The following RADIL variants were observed in gnomAD, a reference collection of about 807,000 sequenced individuals.
RADIL encodes the protein ras-associating and dilute domain-containing protein.
In RADIL, 99 loss-of-function variants were observed where a neutral mutation model predicts 97.6. The ratio of observed to expected loss-of-function variants is 1.01; its 90% CI spans 0.86 to 1.20. RADIL has a LOEUF of 1.20. RADIL is among the 50% of genes most tolerant of loss of function. The pLI is 0.00. For synonymous variants in RADIL, 803 were observed against 691.8 expected (o/e 1.16, Z -2.52); for missense variants, 1,765 against 1,498.9 (o/e 1.18, Z -2.93).
At position 4,801,686 on chromosome 7, in the gene RADIL, C is replaced by A. The variant is rs769841031; in HGVS notation, c.2809G>T (p.Gly937Ter). The change falls in exon 12 of 15, where the codon GGA becomes TGA. Residue 937 changes from glycine to a stop codon, truncating the protein, a stop_gained. Coordinates refer to ENST00000399583, the MANE Select transcript of RADIL (RefSeq NM_018059.5). LOFTEE classifies it high-confidence loss of function. ...GCTGCACCCCGGAGGCCGCTGAGTC[C>A]GTTCCTCTGCCTCTCTGGGAGCGCT... ...GKALPERQRN[G>*]LSGLRGAAPE... 3 of 1,607,422 alleles carry A rather than the reference C, an allele frequency of 1.9e-6. No individual in the cohort carries two copies. Among genetic ancestry groups the A allele is most frequent in the South Asian group, 1.1e-5 (1 of 90,190 alleles).
chr7:4,845,397 G>C (rs867773894), intron 2 of RADIL, among the ~76,000 whole-genome samples: 4 of 152,338 alleles, frequency 2.6e-5, no homozygotes, highest in Admixed American at 6.5e-5. Context: ...CAGCCTGGGT[G>C]ACAGAGCAAG....
chr7:4,849,757 A>G lies in RADIL; in HGVS notation c.536-13152T>C, dbSNP rs1294273198. Reference sequence around the variant, plus strand: ...TCATTTGAAAAGACTTAGAATCTTAATTCATTTCACTCCTGCATACCTTTC... The same window carrying G: ...TCATTTGAAAAGACTTAGAATCTTAGTTCATTTCACTCCTGCATACCTTTC... On this transcript the variant is annotated intron_variant, in intron 2 of 14. Coordinates refer to ENST00000399583, the MANE Select transcript of RADIL (RefSeq NM_018059.5). This position sits in a 1 kb window ranked among gnomAD's most constrained non-coding sequence, Gnocchi z 5.4. Among the ~76,000 whole-genome samples the G allele has an allele frequency of 1.3e-5, 2 of 152,158 alleles. No homozygotes were observed. The highest frequency in any genetic ancestry group is 2.9e-5 in the Non-Finnish European group (2 of 68,022).
In RADIL at chr7:4,799,689, C is replaced by T. The variant is rs753075084; in HGVS notation, c.3063G>A (p.Ser1021=). The T allele has an allele frequency of 2.3e-5, 36 of 1,584,700 alleles. No homozygotes were observed. In the East Asian group the frequency reaches 5.3e-4, roughly 23 times the overall value. ...GSPAAADGRL[S]LGDRILEVNG... ...TCACCTCCAGGATACGGTCCCCCAG[C>T]GACAGGCGCCCGTCGGCCGCTGCGG... Residue 1021 remains serine, a synonymous_variant, in exon 14 of 15, where the codon TCG becomes TCA. Coordinates refer to ENST00000399583, the MANE Select transcript of RADIL (RefSeq NM_018059.5).
intron 10 of RADIL, among the ~76,000 whole-genome samples, chr7:4,804,519 G>A (rs1782228812): frequency 6.6e-6 from 1 of 152,238 alleles, no homozygotes; most frequent in Non-Finnish European, 1.5e-5. Context: ...GGGGGTGGCG[G>A]CTCACGCCTG....
chr7:4,847,210 G>C (rs1299357406), intron 2 of RADIL, among the ~76,000 whole-genome samples: 1 of 152,068 alleles, frequency 6.6e-6, no homozygotes, highest in Non-Finnish European at 1.5e-5. Context: ...AATCCCAGCT[G>C]CTCATGAGGC....
chr7:4,799,109 A>T lies in RADIL; in HGVS notation c.*269T>A. ...AGACCCCAGCAGGGCACCCTCTAAG[A>T]ACGGGAAAAATAGTTTATTGAACCG... On this transcript the variant is annotated 3_prime_UTR_variant, in exon 15 of 15. Transcript: ENST00000399583. 1 of 449,856 alleles carries T rather than the reference A, an allele frequency of 2.2e-6. No individual in the cohort carries two copies. Among genetic ancestry groups the T allele is most frequent in the Non-Finnish European group, 4.1e-6 (1 of 244,976 alleles). 27.9% of individuals were successfully genotyped at this position (449,856 alleles called of 1,614,324 possible).
At chr7:4,858,274 A>C (rs1048754769) in intron 2 of RADIL, 2 of 152,168 alleles carry the variant, frequency 1.3e-5, no homozygotes, top group African/African-American at 2.4e-5. Flanking sequence ...GAGTTAGAGG[A>C]GGGACGGGAG....
chr7:4,806,161 GT>G (rs1328060536), intron 9 of RADIL: 1 of 757,550 alleles, frequency 1.3e-6, no homozygotes, highest in Non-Finnish European at 1.6e-6. Flanking sequence ...TTGTTTGCTT[GT>G]TTTTTGAGAC....
chr7:4,812,358 G>A (rs998465272), intron 9 of RADIL, among the ~76,000 whole-genome samples: 3 of 152,160 alleles, frequency 2.0e-5, no homozygotes, highest in African/African-American at 4.8e-5. Flanking sequence ...TGGAATCTGA[G>A]TGATGGCCTC....
chr7:4,836,233 GA>G (rs1783294933), intron 3 of RADIL, 124 bp downstream of exon 3: 2 of 1,408,926 alleles, frequency 1.4e-6, no homozygotes, highest in Admixed American at 4.6e-5. Context: ...GGCACAGCCA[GA>G]GGGGCTGCAG....
At chr7:4,862,025 G>T (rs1381421153) in intron 2 of RADIL, 2 of 419,790 alleles carry the variant, frequency 4.8e-6, no homozygotes, top group Non-Finnish European at 8.5e-6. Flanking sequence ...CTGCGTTCCA[G>T]AACCTACCGT....
intron 1 of RADIL, among the ~76,000 whole-genome samples, chr7:4,882,518 C>A (rs1784507367): frequency 6.6e-6 from 1 of 152,110 alleles, no homozygotes; most frequent in Admixed American, 6.6e-5. Context: ...GTCCCAGCGG[C>A]GAGTACAGGG....
intron 2 of RADIL, among the ~76,000 whole-genome samples, chr7:4,850,568 G>T (rs2115020345): frequency 6.6e-6 from 1 of 152,342 alleles, no homozygotes; most frequent in African/African-American, 2.4e-5. Context: ...TGTGAGACGT[G>T]TGTGATGCCA....
chr7:4,863,443 C>T (rs2115037040), intron 2 of RADIL, among the ~76,000 whole-genome samples: 1 of 152,232 alleles, frequency 6.6e-6, no homozygotes, highest in South Asian at 2.1e-4. Flanking sequence ...GGATTGTGAG[C>T]TCATTTCTGG....
chr7:4,871,369 C>A (rs1195212569), intron 2 of RADIL, among the ~76,000 whole-genome samples: 1 of 152,234 alleles, frequency 6.6e-6, no homozygotes, highest in Admixed American at 6.5e-5. Flanking sequence ...CACGGCACCC[C>A]GTCGGCAGAG....
chr7:4,860,845 TG>T, intron 2 of RADIL: 1 of 1,614,142 alleles, frequency 6.2e-7, no homozygotes, highest in Non-Finnish European at 8.5e-7. Flanking sequence ...AGTTCTGCTG[TG>T]GGTATGCTGG....
At chr7:4,848,485 G>A (rs1783630704) in intron 2 of RADIL, among the ~76,000 whole-genome samples, 1 of 152,090 alleles carries the variant, frequency 6.6e-6, no homozygotes, top group Admixed American at 6.5e-5. Flanking sequence ...TTAAAAGAGG[G>A]AAGACAACAG....
chr7:4,799,790 C>G, intron 13 of RADIL, 21 bp from the exon 14 acceptor site: 1 of 1,494,034 alleles, frequency 6.7e-7, no homozygotes, highest in Non-Finnish European at 8.9e-7. Context: ...GCAGAGGCCT[C>G]AGAGCTCCGC....
At chr7:4,861,836 A>ACGTCCCCCACCACCGCGACCTTCC in intron 2 of RADIL, 4 of 1,405,844 alleles carry the variant, frequency 2.8e-6, no homozygotes, top group Non-Finnish European at 3.7e-6. Context: ...CCGCCAGGGC[A>ACGTCCCCCACCACCGCGACCTTCC]CGTCCCCCAC....
Sources: allele counts gnomAD v4.1 joint callset (sites outside exome capture counted in the v4.1 genomes callset), GRCh38; gene constraint gnomAD v4.1.1; non-coding constraint Gnocchi (gnomAD v3.1); transcripts MANE v1.5; gene names NCBI Gene and HGNC (gene_info 2026-07-23, HGNC 2026-07-21).